PTPRG: variants seen among roughly 807,000 people sequenced by gnomAD.
PTPRG encodes receptor-type tyrosine-protein phosphatase gamma.
A neutral mutation model predicts 165.3 loss-of-function variants in PTPRG; 102 were observed. That is an observed-to-expected ratio of 0.62 (90% CI 0.53 to 0.73). PTPRG has a LOEUF of 0.73. Ranked by LOEUF, PTPRG falls within the 30% of genes least tolerant of loss-of-function variation. The pLI is 0.00. For missense variants in PTPRG, 1,866 were observed against 1,861.4 expected (o/e 1.00, Z -0.05); for synonymous variants, 675 against 669.5 (o/e 1.01, Z -0.13).
chr3:62,033,319 G>T (rs1444385109), intron 4 of PTPRG, among the ~76,000 whole-genome samples: 1 of 151,266 alleles, frequency 6.6e-6, no homozygotes, highest in East Asian at 1.9e-4. Context: ...TCCTTGCTGA[G>T]ATTTGGTATC....
At chr3:61,686,283 G>C (rs952584423) in intron 1 of PTPRG, among the ~76,000 whole-genome samples, 2 of 152,162 alleles carry the variant, frequency 1.3e-5, no homozygotes, top group African/African-American at 4.8e-5. Flanking sequence ...TCATGTGACA[G>C]ATAGAGCTGG....
chr3:61,831,586 C>T (rs1231428218), intron 2 of PTPRG, among the ~76,000 whole-genome samples: 2 of 142,354 alleles, frequency 1.4e-5, no homozygotes, highest in South Asian at 2.2e-4. Context: ...AGGACAGCAT[C>T]CATCTGGTAT....
intron 1 of PTPRG, among the ~76,000 whole-genome samples, chr3:61,584,372 C>G (rs1039082823): frequency 2.6e-5 from 4 of 152,160 alleles, no homozygotes; most frequent in Admixed American, 6.5e-5. Flanking sequence ...TTAACTACTC[C>G]TTAGAGTGGA....
Position 61,915,523 on chromosome 3 carries a change from G to A in PTPRG, c.191-74102G>A, listed in dbSNP as rs907938530. Among the ~76,000 whole-genome samples, 12 of 152,212 alleles carry A rather than the reference G, an allele frequency of 7.9e-5. No homozygotes were observed. The East Asian group carries it at 1.2e-3, about 15-fold the overall frequency. ...GCATTGTTGTTCTGTAATTAGAGCCGTGAAATATATCTTATTTGTCATCAT... is the reference window on the plus strand; with the variant it reads ...GCATTGTTGTTCTGTAATTAGAGCCATGAAATATATCTTATTTGTCATCAT... On this transcript the variant is annotated intron_variant, in intron 2 of 29. Coordinates refer to ENST00000474889, the MANE Select transcript of PTPRG (RefSeq NM_002841.4).
Position 61,957,756 on chromosome 3 carries a change from CCT to C in PTPRG, c.191-31868_191-31867del, listed in dbSNP as rs2040066666. ...TCTTACAGGCAATTTGTGAAGAGCC[CCT>C]GTTTTCATGCGATTCCATTTTAATT... On this transcript the variant is annotated intron_variant, in intron 2 of 29. Transcript: ENST00000474889. Among the ~76,000 whole-genome samples the C allele has an allele frequency of 3.3e-5, 5 of 152,236 alleles. No individual in the cohort carries two copies. In the South Asian group the frequency reaches 8.3e-4, roughly 25 times the overall value.
intron 5 of PTPRG, among the ~76,000 whole-genome samples, chr3:62,126,029 A>G (rs1339148237): frequency 6.6e-6 from 1 of 152,154 alleles, no homozygotes; most frequent in Admixed American, 6.5e-5. Flanking sequence ...CTGGCTTTGA[A>G]ATGGCGTGTT....
rs1230760684 is a variant in PTPRG at position 62,228,152 on chromosome 3, G to C, written c.2289-3073G>C. 3.3e-5 allele frequency among the ~76,000 whole-genome samples: 5 copies of C among 152,082 alleles called. No homozygotes were observed. The highest frequency in any genetic ancestry group is 2.1e-4 in the South Asian group (1 of 4,820). On this transcript the variant is annotated intron_variant, in intron 13 of 29. Transcript: ENST00000474889. This position sits in a 1 kb window ranked among gnomAD's most constrained non-coding sequence, Gnocchi z 4.1. ...CTGGGAAGGACTCTGACCACAGCCAGGGTTAGGTGAGAAGGAGAGGGAGCC... is the reference window on the plus strand; with the variant it reads ...CTGGGAAGGACTCTGACCACAGCCACGGTTAGGTGAGAAGGAGAGGGAGCC...
chr3:61,833,272 C>T (rs2107301232), intron 2 of PTPRG, among the ~76,000 whole-genome samples: 1 of 152,156 alleles, frequency 6.6e-6, no homozygotes, highest in East Asian at 1.9e-4. Context: ...ACTATAATGC[C>T]CCCAATTTTG....
chr3:61,918,624 A>T (rs1014482526), intron 2 of PTPRG, among the ~76,000 whole-genome samples: 27 of 152,238 alleles, frequency 1.8e-4, no homozygotes, highest in African/African-American at 6.5e-4. Flanking sequence ...TGTAACTTTA[A>T]GCTCAAAAAT....
chr3:62,073,518 G>A (rs149616378), intron 4 of PTPRG, among the ~76,000 whole-genome samples: 1,873 of 151,680 alleles, frequency 0.012, 38 homozygotes, highest in African/African-American at 0.043. Context: ...TCACTCTGTT[G>A]CCGAGGCTGG....
Position 62,133,479 on chromosome 3 carries a change from C to T in PTPRG, c.682+811C>T, listed in dbSNP as rs550025530. On this transcript the variant is annotated intron_variant, in intron 6 of 29. Coordinates refer to ENST00000474889, the MANE Select transcript of PTPRG (RefSeq NM_002841.4). The stretch of plus-strand genomic sequence containing the variant: ...CCTTTTTGAGAGGATTGTCTTTAGA[C>T]ATTAGCCAACTCCATAGAGCTTAAC... Among the ~76,000 whole-genome samples the T allele has an allele frequency of 3.9e-5, 6 of 152,300 alleles. No individual in the cohort carries two copies. In the South Asian group the frequency reaches 8.3e-4, roughly 21 times the overall value.
At chr3:62,058,296 C>A (rs1259252510) in intron 4 of PTPRG, among the ~76,000 whole-genome samples, 1 of 152,118 alleles carries the variant, frequency 6.6e-6, no homozygotes, top group Admixed American at 6.5e-5. Flanking sequence ...GGGAAGGAAC[C>A]TTGCTAGTGT....
chr3:62,043,750 T>C (rs1575929450), intron 4 of PTPRG, among the ~76,000 whole-genome samples: 1 of 152,214 alleles, frequency 6.6e-6, no homozygotes, highest in African/African-American at 2.4e-5. Flanking sequence ...TGTTAAAGGA[T>C]AGACTCTTGA....
intron 2 of PTPRG, among the ~76,000 whole-genome samples, chr3:61,789,687 G>A: frequency 6.6e-6 from 1 of 152,160 alleles, no homozygotes. Flanking sequence ...CTGTATTTAA[G>A]TAAGTATTTT....
intron 1 of PTPRG, chr3:61,742,333 G>A (rs1038236265): frequency 7.9e-6 from 5 of 634,374 alleles, no homozygotes; most frequent in African/African-American, 1.8e-5. Context: ...AAACAGTTGC[G>A]TTGATATCTT....
At chr3:62,069,700 G>GCA (rs1459518475) in intron 4 of PTPRG, among the ~76,000 whole-genome samples, 4 of 113,680 alleles carry the variant, frequency 3.5e-5, no homozygotes, top group African/African-American at 7.9e-5. Flanking sequence ...ACAGACACAC[G>GCA]CACACACACA....
chr3:62,186,567 C>CTTTTTTTTTTTTTTTTTTT (rs35133425), intron 8 of PTPRG, among the ~76,000 whole-genome samples: 5 of 117,518 alleles, frequency 4.3e-5, no homozygotes, highest in Non-Finnish European at 6.8e-5. Flanking sequence ...TTTTCTTTTC[C>CTTTTTTTTTTTTTTTTTTT]TTTTTTTTTT....
intron 1 of PTPRG, among the ~76,000 whole-genome samples, chr3:61,602,162 T>TA (rs1263319931): frequency 1.6e-4 from 24 of 151,970 alleles, no homozygotes; most frequent in South Asian, 4.1e-4. Context: ...TTTTTTTTTT[T>TA]AAATTTTTAA....
At chr3:62,013,338 T>A (rs2107742289) in intron 4 of PTPRG, among the ~76,000 whole-genome samples, 1 of 152,330 alleles carries the variant, frequency 6.6e-6, no homozygotes, top group South Asian at 2.1e-4. Flanking sequence ...ATTTTGATAA[T>A]AAACTACATG....
Sources: gnomAD v4.1 joint callset for allele counts (sites outside exome capture counted in the v4.1 genomes callset) on GRCh38, gnomAD v4.1.1 for gene constraint, Gnocchi (gnomAD v3.1) non-coding constraint, MANE v1.5 for transcripts, NCBI Gene and HGNC (gene_info 2026-07-23, HGNC 2026-07-21) for gene names.